The following EPSTI1 variants were observed in gnomAD, a reference collection of about 807,000 sequenced individuals.
The protein encoded by EPSTI1 is epithelial-stromal interaction protein 1.
A neutral mutation model predicts 49.9 loss-of-function variants in EPSTI1; 66 were observed. The ratio of observed to expected loss-of-function variants is 1.32; its 90% confidence interval spans 1.08 to 1.62. EPSTI1 has a LOEUF of 1.62. Among genes scored for constraint, EPSTI1 ranks in the 40% most tolerant of loss-of-function variants. The pLI, the probability that EPSTI1 is intolerant of heterozygous loss-of-function variation, is 0.00. For missense variants in EPSTI1, 394 were observed against 365.5 expected, an observed-to-expected ratio of 1.08 and a Z score of -0.64; for synonymous variants, 137 against 130.7, an observed-to-expected ratio of 1.05 and a Z score of -0.33.
Position 42,895,028 on chromosome 13 carries a change from A to G in EPSTI1, c.896T>C (p.Met299Thr). ...GLEQSGGCWN[M>T]NSGNSWGI Reference sequence around the variant, plus strand: ...ACTCACCCAGCTGTTACCGCTATTCATATTCCAACAGCCTCCAGATTGCTC... The same window carrying G: ...ACTCACCCAGCTGTTACCGCTATTCGTATTCCAACAGCCTCCAGATTGCTC... Residue 299 changes from methionine to threonine, a missense_variant, in exon 10 of 11, where the codon ATG becomes ACG. Physicochemically the swap from Met to Thr is moderately conservative, Grantham distance 81. Coordinates refer to ENST00000313624, the MANE Select transcript of EPSTI1 (RefSeq NM_033255.5). The G allele has an allele frequency of 6.2e-7, 1 of 1,612,728 alleles. No individual in the cohort carries two copies. The highest frequency in any genetic ancestry group is 8.5e-7 in the Non-Finnish European group (1 of 1,179,398).
intron 1 of EPSTI1, among the ~76,000 whole-genome samples, chr13:42,977,580 T>A (rs2039904041): frequency 6.6e-6 from 1 of 151,586 alleles, no homozygotes; most frequent in Admixed American, 6.5e-5. Flanking sequence ...TCTTAGTCAA[T>A]GAGGCAACCT....
chr13:42,961,165 AG>A (rs2039437471), intron 5 of EPSTI1, among the ~76,000 whole-genome samples: 1 of 152,172 alleles, frequency 6.6e-6, no homozygotes, highest in Non-Finnish European at 1.5e-5. Context: ...TATGGGTGGT[AG>A]GGGAGGGTAA....
chr13:42,952,721 T>A (rs2039137987), intron 6 of EPSTI1, among the ~76,000 whole-genome samples: 1 of 152,160 alleles, frequency 6.6e-6, no homozygotes, highest in African/African-American at 2.4e-5. Context: ...AACACTTTCA[T>A]CCTACCCCAT....
At chr13:42,935,980 G>A (rs61054443) in intron 6 of EPSTI1, among the ~76,000 whole-genome samples, 29,119 of 152,096 alleles carry the variant, frequency 0.19, 3,149 homozygotes, top group African/African-American at 0.3. Flanking sequence ...AGAGAAATAA[G>A]TCTTTCATCT....
chr13:42,915,550 TCAATGAACGTTTCCCAACAA>T (rs1290624186), intron 8 of EPSTI1, among the ~76,000 whole-genome samples: 1 of 152,036 alleles, frequency 6.6e-6, no homozygotes, highest in Non-Finnish European at 1.5e-5. Flanking sequence ...AGAAATGCCT[TCAATGAACGTTTCCCAACAA>T]CAACACGTCA....
rs568052114 is a variant in EPSTI1 at position 42,956,183 on chromosome 13, A to G, written c.490-2162T>C. Among the ~76,000 whole-genome samples, 14 of 152,330 alleles carry G rather than the reference A, an allele frequency of 9.2e-5. No individual in the cohort carries two copies. The South Asian group carries it at 2.5e-3, about 27-fold the overall frequency. On this transcript the variant is annotated intron_variant, in intron 5 of 10. Transcript: ENST00000313624. ...CTCTCAAAAGTTCCACAGTAACTCAATGCCTACTTAATGTTAGACTCCATC... is the reference window on the plus strand; with the variant it reads ...CTCTCAAAAGTTCCACAGTAACTCAGTGCCTACTTAATGTTAGACTCCATC...
At position 42,975,345 on chromosome 13, in the gene EPSTI1, T is replaced by A. The variant is rs2153434387; in HGVS notation, c.189-4675A>T. Among the ~76,000 whole-genome samples the A allele has an allele frequency of 2.0e-5, 3 of 152,282 alleles. No homozygotes were observed. The South Asian group carries it at 6.2e-4, about 32-fold the overall frequency. On this transcript the variant is annotated intron_variant, in intron 1 of 10. Coordinates refer to ENST00000313624, the MANE Select transcript of EPSTI1 (RefSeq NM_033255.5). ...CTGATCAAGTATTCCACATCTCCAG[T>A]GTGGAAACATTTATGAATTGTCTTT... is the stretch of plus-strand genomic sequence containing the variant.
At chr13:42,970,394 A>G (rs1402636686) in intron 2 of EPSTI1, 1 of 430,420 alleles carries the variant, frequency 2.3e-6, no homozygotes, top group African/African-American at 2.0e-5. Flanking sequence ...AGGATCTACC[A>G]TCATGTCATG....
chr13:42,983,468 G>T (rs1487306958), intron 1 of EPSTI1, among the ~76,000 whole-genome samples: 3 of 150,342 alleles, frequency 2.0e-5, no homozygotes, highest in East Asian at 3.9e-4. Context: ...AGAGGCTGAG[G>T]CAGGGGAATC....
intron 6 of EPSTI1, among the ~76,000 whole-genome samples, chr13:42,928,410 C>T (rs756548786): frequency 6.6e-6 from 1 of 152,144 alleles, no homozygotes; most frequent in Non-Finnish European, 1.5e-5. Context: ...GGAAGTCCAA[C>T]TGGACTAAGA....
At chr13:42,912,262 T>A (rs138092210) in intron 8 of EPSTI1, among the ~76,000 whole-genome samples, 1 of 152,222 alleles carries the variant, frequency 6.6e-6, no homozygotes, top group Non-Finnish European at 1.5e-5. Flanking sequence ...GAGGGAATAC[T>A]GGGACAGTCA....
At chr13:42,964,879 T>C (rs1166530504) in intron 3 of EPSTI1, among the ~76,000 whole-genome samples, 1 of 152,232 alleles carries the variant, frequency 6.6e-6, no homozygotes, top group Admixed American at 6.5e-5. Flanking sequence ...GTGTGCGTAT[T>C]ATAAAGATTC....
chr13:42,989,663 G>A (rs1404391603), intron 1 of EPSTI1, among the ~76,000 whole-genome samples: 2 of 147,756 alleles, frequency 1.4e-5, no homozygotes, highest in Non-Finnish European at 3.0e-5. Flanking sequence ...GCGCGATCTC[G>A]GCTCACTGCA....
chr13:42,926,993 AC>A (rs1451804287), intron 6 of EPSTI1, among the ~76,000 whole-genome samples: 3 of 6,378 alleles, frequency 4.7e-4, no homozygotes, highest in African/African-American at 2.0e-3. Flanking sequence ...GTTAACAGAC[AC>A]ACACACACAC....
chr13:42,914,967 C>A (rs1393382072), intron 8 of EPSTI1, among the ~76,000 whole-genome samples: 1 of 152,088 alleles, frequency 6.6e-6, no homozygotes, highest in Non-Finnish European at 1.5e-5. Flanking sequence ...GTCCCCAGAG[C>A]CAAGAGTAAT....
At position 42,964,053 on chromosome 13, in the gene EPSTI1, G is replaced by C. The variant is rs1432065358; in HGVS notation, c.405+13C>G. ...TCCTTACCAAAATTCAACTAAAAGA[G>C]ATGAATTCTGACCTTTTGCTTGTAT... is the stretch of plus-strand genomic sequence containing the variant. On this transcript the variant is annotated intron_variant, in intron 4 of 10. Transcript: ENST00000313624. The C allele has an allele frequency of 6.2e-7, 1 of 1,608,976 alleles. No homozygotes were observed. The highest frequency in any genetic ancestry group is 8.5e-7 in the Non-Finnish European group (1 of 1,177,178).
At chr13:42,913,315 T>G (rs1261176388) in intron 8 of EPSTI1, among the ~76,000 whole-genome samples, 1 of 152,190 alleles carries the variant, frequency 6.6e-6, no homozygotes, top group East Asian at 1.9e-4. Flanking sequence ...AAAATCTACT[T>G]TAAACAATGA....
intron 1 of EPSTI1, among the ~76,000 whole-genome samples, chr13:42,972,992 G>A (rs1054602356): frequency 8.5e-5 from 13 of 152,306 alleles, no homozygotes; most frequent in East Asian, 1.9e-4. Context: ...TGAATAGCAC[G>A]AAATAAGAAT....
At chr13:42,991,583 C>T (rs1161108401) in intron 1 of EPSTI1, among the ~76,000 whole-genome samples, 3 of 152,228 alleles carry the variant, frequency 2.0e-5, no homozygotes, top group Non-Finnish European at 4.4e-5. Flanking sequence ...ACGCGCCTGG[C>T]CCAGCACCAA....
Sources: gnomAD v4.1 joint callset for allele counts (sites outside exome capture counted in the v4.1 genomes callset) on GRCh38, gnomAD v4.1.1 for gene constraint, MANE v1.5 for transcripts, NCBI Gene and HGNC (gene_info 2026-07-23, HGNC 2026-07-21) for gene names.